CDH18: variants seen among roughly 807,000 people sequenced by gnomAD.
CDH18 encodes the protein cadherin-18.
CDH18 carries 31 observed loss-of-function variants against 67.9 expected under a neutral mutation model. The observed-to-expected ratio is 0.46, with a 90% CI of 0.34 to 0.62. The LOEUF is 0.62. Ranked by LOEUF, CDH18 falls within the 20% of genes least tolerant of loss-of-function variation. The pLI, the probability that CDH18 is intolerant of heterozygous loss-of-function variation, is 0.01. For missense variants in CDH18, 890 were observed against 975.5 expected (o/e 0.91, Z 1.17); for synonymous variants, 362 against 347.2 (o/e 1.04, Z -0.48).
intron 2 of CDH18, among the ~76,000 whole-genome samples, chr5:20,242,622 A>ATATACATGTATATATATATG (rs1561905984): frequency 9.3e-6 from 1 of 106,966 alleles, no homozygotes; most frequent in Non-Finnish European, 1.8e-5. Context: ...ATATATATAT[A>ATATACATGTATATATATATG]TATATATATA....
At chr5:19,993,662 C>T (rs1012486689) in intron 2 of CDH18, among the ~76,000 whole-genome samples, 3 of 151,882 alleles carry the variant, frequency 2.0e-5, no homozygotes, top group Non-Finnish European at 4.4e-5. Flanking sequence ...AGATATTATA[C>T]ATAGATATAC....
chr5:19,573,439 C>T (rs11745301), intron 7 of CDH18, among the ~76,000 whole-genome samples: 56,351 of 151,950 alleles, frequency 0.37, 11,951 homozygotes, highest in Middle Eastern at 0.53. Context: ...CCGCCACGCC[C>T]GGCTAATTTT....
intron 1 of CDH18, among the ~76,000 whole-genome samples, chr5:20,574,260 A>G (rs984456001): frequency 5.9e-5 from 9 of 151,964 alleles, no homozygotes; most frequent in African/African-American, 2.2e-4. Flanking sequence ...AAAACACACA[A>G]AAACAACTAT....
At chr5:19,956,134 G>A (rs778990059) in intron 2 of CDH18, among the ~76,000 whole-genome samples, 2 of 151,890 alleles carry the variant, frequency 1.3e-5, no homozygotes, top group African/African-American at 4.8e-5. Context: ...CTTTAAATAA[G>A]CTAAGTTTTA....
intron 3 of CDH18, among the ~76,000 whole-genome samples, chr5:19,806,367 A>G (rs1271551820): frequency 6.6e-6 from 1 of 152,188 alleles, no homozygotes. Flanking sequence ...GGCATATTTT[A>G]TCAATGTAAT....
intron 5 of CDH18, among the ~76,000 whole-genome samples, chr5:19,718,371 T>C (rs924842080): frequency 2.0e-5 from 3 of 151,990 alleles, no homozygotes; most frequent in Non-Finnish European, 2.9e-5. Context: ...TATACACCAT[T>C]ATAAGTGACT....
At chr5:20,415,647 C>G (rs909730297) in intron 1 of CDH18, among the ~76,000 whole-genome samples, 1 of 151,722 alleles carries the variant, frequency 6.6e-6, no homozygotes, top group East Asian at 2.0e-4. Flanking sequence ...GTGGTGGGCA[C>G]CTGCAGTCCC....
chr5:20,383,336 A>G (rs61436113), intron 1 of CDH18, among the ~76,000 whole-genome samples: 8,599 of 152,212 alleles, frequency 0.056, 787 homozygotes, highest in African/African-American at 0.19. Flanking sequence ...TTAAAGCTTG[A>G]GTATAATTTG....
At chr5:19,542,593 C>T (rs565572145) in intron 9 of CDH18, among the ~76,000 whole-genome samples, 1 of 152,028 alleles carries the variant, frequency 6.6e-6, no homozygotes, top group Non-Finnish European at 1.5e-5. Context: ...AAATGAAGTA[C>T]CAATGACACA....
chr5:20,300,303 C>CAT (rs1554114523), intron 1 of CDH18, among the ~76,000 whole-genome samples: 1 of 148,506 alleles, frequency 6.7e-6, no homozygotes, highest in East Asian at 2.0e-4. Context: ...TGTGTGTGTG[C>CAT]GTGTGTGTGT....
chr5:20,415,304 T>C (rs1365555981), intron 1 of CDH18, among the ~76,000 whole-genome samples: 1 of 148,358 alleles, frequency 6.7e-6, no homozygotes, highest in African/African-American at 2.5e-5. Flanking sequence ...GGTGAATTGC[T>C]GGAACTTGGG....
At chr5:19,954,249 T>A (rs1425459731) in intron 2 of CDH18, among the ~76,000 whole-genome samples, 1 of 152,104 alleles carries the variant, frequency 6.6e-6, no homozygotes, top group Non-Finnish European at 1.5e-5. Flanking sequence ...ATATAATTGA[T>A]CCAATTTTAG....
At chr5:19,726,971 T>G (rs1392495944) in intron 4 of CDH18, among the ~76,000 whole-genome samples, 1 of 152,206 alleles carries the variant, frequency 6.6e-6, no homozygotes, top group Non-Finnish European at 1.5e-5. Flanking sequence ...GATGGCCTTC[T>G]GTGAACCAGG....
chr5:20,467,643 AAAC>A (rs1332113268), intron 1 of CDH18, among the ~76,000 whole-genome samples: 1 of 152,332 alleles, frequency 6.6e-6, no homozygotes, highest in South Asian at 2.1e-4. Context: ...ACTGTACCAA[AAAC>A]AACATTAGCT....
intron 1 of CDH18, among the ~76,000 whole-genome samples, chr5:20,395,924 G>A (rs1745241029): frequency 6.6e-6 from 1 of 152,164 alleles, no homozygotes; most frequent in Non-Finnish European, 1.5e-5. Flanking sequence ...CAAGCTTAGA[G>A]AGGGCATGGA....
chr5:19,724,926 G>A (rs1305163955), intron 4 of CDH18, among the ~76,000 whole-genome samples: 1 of 128,356 alleles, frequency 7.8e-6, no homozygotes, highest in Non-Finnish European at 1.6e-5. Flanking sequence ...GCATATTAAG[G>A]CCTTTTTTTT....
intron 1 of CDH18, among the ~76,000 whole-genome samples, chr5:20,505,526 A>G (rs1234242009): frequency 6.6e-6 from 1 of 152,236 alleles, no homozygotes; most frequent in Admixed American, 6.5e-5. Flanking sequence ...ACTTTCATAT[A>G]CAACATTGCT....
intron 1 of CDH18, among the ~76,000 whole-genome samples, chr5:20,364,856 T>C (rs1334833021): frequency 1.3e-5 from 2 of 152,202 alleles, no homozygotes; most frequent in East Asian, 3.8e-4. Flanking sequence ...AGACTGTTAG[T>C]AGAATCCAAC....
chr5:20,374,350 T>A (rs1743244474), intron 1 of CDH18, among the ~76,000 whole-genome samples: 1 of 152,172 alleles, frequency 6.6e-6, no homozygotes, highest in South Asian at 2.1e-4. Flanking sequence ...GGTAAAAATG[T>A]ATTGAGTGAA....
Sources: allele counts gnomAD v4.1 joint callset (sites outside exome capture counted in the v4.1 genomes callset), GRCh38; gene constraint gnomAD v4.1.1; transcripts MANE v1.5; gene names NCBI Gene and HGNC (gene_info 2026-07-23, HGNC 2026-07-21).